The following LHFPL3 variants were observed in gnomAD, a reference collection of about 807,000 sequenced individuals.
LHFPL3 encodes the protein LHFPL tetraspan subfamily member 3 protein.
In LHFPL3, 5 loss-of-function variants were observed where a neutral mutation model predicts 19.3. That is an observed-to-expected ratio of 0.26 (90% CI 0.14 to 0.54). The LOEUF is 0.54. Ranked by LOEUF, LHFPL3 falls within the 20% of genes least tolerant of loss-of-function variation. LHFPL3 has a pLI of 0.94. For missense variants in LHFPL3, 249 were observed against 307.4 expected (o/e 0.81, Z 1.42); for synonymous variants, 133 against 126.2 (o/e 1.05, Z -0.36).
chr7:104,491,242 C>T (rs569386120), intron 1 of LHFPL3, among the ~76,000 whole-genome samples: 49 of 152,192 alleles, frequency 3.2e-4, no homozygotes, highest in African/African-American at 1.1e-3. Context: ...CTGGTCATTT[C>T]CCTACAGAAT....
intron 2 of LHFPL3, among the ~76,000 whole-genome samples, chr7:104,787,054 G>A (rs1270967893): frequency 6.6e-6 from 1 of 152,068 alleles, no homozygotes; most frequent in Non-Finnish European, 1.5e-5. Flanking sequence ...CTTGTTTTTA[G>A]ATATTTTCAG....
At chr7:104,619,649 C>T (rs972802034) in intron 1 of LHFPL3, among the ~76,000 whole-genome samples, 15 of 151,858 alleles carry the variant, frequency 9.9e-5, no homozygotes, top group Non-Finnish European at 2.9e-5. Flanking sequence ...ATAGTTTATT[C>T]CTTTAATCAG....
At chr7:104,330,472 T>C (rs1485079158) in intron 1 of LHFPL3, among the ~76,000 whole-genome samples, 1 of 152,354 alleles carries the variant, frequency 6.6e-6, no homozygotes, top group South Asian at 2.1e-4. Flanking sequence ...GATGAGTAGA[T>C]ACTTAAAGGT....
intron 1 of LHFPL3, among the ~76,000 whole-genome samples, chr7:104,696,139 A>G (rs1792992523): frequency 6.6e-6 from 1 of 152,032 alleles, no homozygotes; most frequent in Non-Finnish European, 1.5e-5. Context: ...TTTAGTAGAG[A>G]CAGGGTTTCA....
At chr7:104,886,363 A>G (rs533616930) in intron 2 of LHFPL3, among the ~76,000 whole-genome samples, 2 of 151,956 alleles carry the variant, frequency 1.3e-5, no homozygotes, top group African/African-American at 4.8e-5. Flanking sequence ...CGTTGGTTTT[A>G]TTTTGTTTTG....
chr7:104,427,274 C>T (rs146355957), intron 1 of LHFPL3, among the ~76,000 whole-genome samples: 1 of 152,144 alleles, frequency 6.6e-6, no homozygotes, highest in African/African-American at 2.4e-5. Flanking sequence ...ACTTGTAAAG[C>T]TGGCTTTGTG....
At chr7:104,807,515 G>A (rs1047063656) in intron 2 of LHFPL3, among the ~76,000 whole-genome samples, 1 of 152,192 alleles carries the variant, frequency 6.6e-6, no homozygotes, top group African/African-American at 2.4e-5. Context: ...ATTATTTCCA[G>A]TTCAAAATCC....
chr7:104,690,404 A>G (rs748012183), intron 1 of LHFPL3, among the ~76,000 whole-genome samples: 79 of 152,296 alleles, frequency 5.2e-4, no homozygotes, highest in Admixed American at 1.1e-3. Flanking sequence ...GGGTATATCA[A>G]CTCTCCGACT....
At chr7:104,585,303 A>T (rs977919045) in intron 1 of LHFPL3, among the ~76,000 whole-genome samples, 1 of 152,080 alleles carries the variant, frequency 6.6e-6, no homozygotes, top group African/African-American at 2.4e-5. Flanking sequence ...CAACTATTTG[A>T]TCCTTTAAAG....
chr7:104,757,486 A>T (rs549687772), intron 2 of LHFPL3: 1 of 152,214 alleles, frequency 6.6e-6, no homozygotes, highest in African/African-American at 2.4e-5. Flanking sequence ...TCCAGAATCC[A>T]TAAGGCACTT....
intron 1 of LHFPL3, among the ~76,000 whole-genome samples, chr7:104,601,307 A>C (rs1790961887): frequency 6.6e-6 from 1 of 152,278 alleles, no homozygotes; most frequent in Middle Eastern, 3.4e-3. Flanking sequence ...CATATCTCTT[A>C]ACTCTTATGA....
At chr7:104,883,266 C>G (rs1792088960) in intron 2 of LHFPL3, among the ~76,000 whole-genome samples, 1 of 152,166 alleles carries the variant, frequency 6.6e-6, no homozygotes, top group Non-Finnish European at 1.5e-5. Flanking sequence ...CTAACGTTCC[C>G]TCATTTCCAA....
intron 1 of LHFPL3, among the ~76,000 whole-genome samples, chr7:104,393,675 C>G (rs900458230): frequency 6.6e-6 from 1 of 151,998 alleles, no homozygotes; most frequent in Non-Finnish European, 1.5e-5. Flanking sequence ...GAGACCATGC[C>G]ACTGCACTCC....
At chr7:104,570,561 T>G (rs1790212946) in intron 1 of LHFPL3, among the ~76,000 whole-genome samples, 6 of 152,222 alleles carry the variant, frequency 3.9e-5, no homozygotes. Flanking sequence ...CCCTGAGAAA[T>G]GGACAAATTC....
intron 1 of LHFPL3, chr7:104,668,131 G>C (rs921808927): frequency 6.2e-7 from 1 of 1,614,008 alleles, no homozygotes; most frequent in Non-Finnish European, 8.5e-7. Context: ...CGTTTACCAC[G>C]TGAACCCAGC....
At chr7:104,471,641 T>C (rs1459677349) in intron 1 of LHFPL3, among the ~76,000 whole-genome samples, 2 of 152,218 alleles carry the variant, frequency 1.3e-5, no homozygotes, top group African/African-American at 4.8e-5. Context: ...TAAAATGTTT[T>C]CTACTCTACT....
chr7:104,695,213 C>T (rs1792977020), intron 1 of LHFPL3, among the ~76,000 whole-genome samples: 1 of 152,130 alleles, frequency 6.6e-6, no homozygotes, highest in South Asian at 2.1e-4. Flanking sequence ...CTCCTGGCCT[C>T]ACTTCAGCCT....
chr7:104,625,569 A>C (rs1562952994), intron 1 of LHFPL3, among the ~76,000 whole-genome samples: 1 of 152,150 alleles, frequency 6.6e-6, no homozygotes. Flanking sequence ...TTTTTTAATC[A>C]TAAAGGAAAG....
At position 104,824,366 on chromosome 7, in the gene LHFPL3, T is replaced by G. The variant is rs1205914624; in HGVS notation, c.683-81821T>G. Among the ~76,000 whole-genome samples, 8 of 21,386 alleles carry G rather than the reference T, an allele frequency of 3.7e-4. No homozygotes were observed. The South Asian group carries it at 6.9e-3, about 19-fold the overall frequency. 14.0% of individuals were successfully genotyped at this position (21,386 alleles called of 152,430 possible). A position where few individuals can be genotyped will look rare whatever the true frequency, so the allele number is the denominator to read the frequency against. On this transcript the variant is annotated intron_variant, in intron 2 of 2. Transcript: ENST00000424859. ...TAATTATAGATAATATATAATTATA[T>G]ATATTTTATATATAATATATATAAT...
Sources: gnomAD v4.1 joint callset for allele counts (sites outside exome capture counted in the v4.1 genomes callset) on GRCh38, gnomAD v4.1.1 for gene constraint, MANE v1.5 for transcripts, NCBI Gene and HGNC (gene_info 2026-07-23, HGNC 2026-07-21) for gene names.